Variants in MCF2L observed in about 807,000 individuals in gnomAD.
MCF2L encodes guanine nucleotide exchange factor DBS.
A neutral mutation model predicts 153.4 loss-of-function variants in MCF2L; 97 were observed. That is an observed-to-expected ratio of 0.63 (90% CI 0.54 to 0.75). MCF2L has a LOEUF of 0.75. MCF2L is among the 30% of genes least tolerant of loss of function. MCF2L has a pLI of 0.00. For synonymous variants in MCF2L, 659 were observed against 632.2 expected, an observed-to-expected ratio of 1.04 and a Z score of -0.64; for missense variants, 1,347 against 1,495.2, an observed-to-expected ratio of 0.90 and a Z score of 1.64.
chr13:112,983,680 G>A lies in MCF2L; in HGVS notation c.79+14222G>A, dbSNP rs570160367. ...GCCCTTGGTCATCAGGATGTGAGGC[G>A]GTGACGGACACTTCAGTGCTCTGAC... On this transcript the variant is annotated intron_variant, in intron 1 of 29. Coordinates refer to ENST00000535094, the MANE Select transcript of MCF2L (RefSeq NM_001112732.3). This position sits in a 1 kb window ranked among gnomAD's most constrained non-coding sequence, Gnocchi z 4.0. Among the ~76,000 whole-genome samples, 29 of 152,302 alleles carry A rather than the reference G, an allele frequency of 1.9e-4. No homozygotes were observed. The highest frequency in any genetic ancestry group is 2.9e-4 in the Non-Finnish European group (20 of 68,008).
intron 1 of MCF2L, among the ~76,000 whole-genome samples, chr13:112,902,030 A>C (rs2081124082): frequency 6.6e-6 from 1 of 152,256 alleles, no homozygotes. Flanking sequence ...ACCCTGATAC[A>C]GTGGAAATTG....
upstream of MCF2L, chr13:112,968,699 C>A: frequency 7.1e-7 from 1 of 1,417,548 alleles, no homozygotes; most frequent in South Asian, 1.5e-5. Context: ...CTACACCTGC[C>A]ACGGGGCGGC....
At chr13:112,998,976 G>A (rs557693096) in intron 1 of MCF2L, among the ~76,000 whole-genome samples, 1 of 152,308 alleles carries the variant, frequency 6.6e-6, no homozygotes, top group Admixed American at 6.5e-5. Context: ...AGTGAGAAAC[G>A]GTGGGTGAGC....
intron 2 of MCF2L, among the ~76,000 whole-genome samples, chr13:112,916,515 C>T (rs2081294064): frequency 1.3e-5 from 2 of 152,194 alleles, no homozygotes; most frequent in South Asian, 2.1e-4. Context: ...AGGTCCTCTC[C>T]CTTCTCACCC....
At chr13:113,005,868 A>G (rs913155193) in intron 1 of MCF2L, among the ~76,000 whole-genome samples, 1 of 152,214 alleles carries the variant, frequency 6.6e-6, no homozygotes, top group Non-Finnish European at 1.5e-5. Context: ...TATTTTTCTC[A>G]ATATAGCTGG....
chr13:112,989,964 C>T (rs1459966198), intron 1 of MCF2L, among the ~76,000 whole-genome samples: 4 of 152,200 alleles, frequency 2.6e-5, no homozygotes, highest in Admixed American at 1.3e-4. Context: ...CTAGATCCCT[C>T]GCATGCACAG....
Position 113,070,039 on chromosome 13 carries a change from C to T in MCF2L, c.882-20C>T, listed in dbSNP as rs199985237. 2.2e-5 allele frequency: 35 copies of T among 1,587,350 alleles called. No homozygotes were observed. The East Asian group carries it at 4.3e-4, about 20-fold the overall frequency. On this transcript the variant is annotated intron_variant, in intron 8 of 29. Transcript: ENST00000535094. This position sits in a 1 kb window ranked among gnomAD's most constrained non-coding sequence, Gnocchi z 5.6. Reference sequence around the variant, plus strand: ...GGGCGCCGTGGGCCACACAGACGGTCAACTCCTCCTCTTTCCCAGGCTCCT... The same window carrying T: ...GGGCGCCGTGGGCCACACAGACGGTTAACTCCTCCTCTTTCCCAGGCTCCT...
chr13:113,084,084 C>T lies in MCF2L; in HGVS notation c.2061+17C>T, dbSNP rs371268016. The T allele has an allele frequency of 3.5e-5, 57 of 1,607,940 alleles. No homozygotes were observed. The highest frequency in any genetic ancestry group is 4.3e-5 in the Non-Finnish European group (51 of 1,174,610). The stretch of plus-strand genomic sequence containing the variant: ...CTGGAGAGGGTAGGTGGTGTTTTGA[C>T]GTGTATTTTGTCACAACTTCTTAAA... On this transcript the variant is annotated intron_variant, in intron 18 of 29. Coordinates refer to ENST00000535094, the MANE Select transcript of MCF2L (RefSeq NM_001112732.3).
intron 1 of MCF2L, among the ~76,000 whole-genome samples, chr13:113,005,238 G>C (rs546840954): frequency 3.3e-5 from 5 of 152,212 alleles, no homozygotes; most frequent in Non-Finnish European, 7.3e-5. Context: ...GCAAAGCCAC[G>C]GCCTGCTGAG....
At position 112,932,344 on chromosome 13, in the gene MCF2L, G is replaced by A. The variant is rs1276568721; in HGVS notation, c.169+29973G>A. ...CAGAGGCTTCCAGTATACCTGACCA[G>A]TAGCCCTCAAAACTGTCAAAGTCAT... On this transcript the variant is annotated intron_variant, in intron 2 of 29. Transcript: ENST00000375608. This position sits in a 1 kb window ranked among gnomAD's most constrained non-coding sequence, Gnocchi z 4.6. 6.6e-6 allele frequency among the ~76,000 whole-genome samples: 1 copy of A among 152,162 alleles called. No homozygotes were observed. The highest frequency in any genetic ancestry group is 2.4e-5 in the African/African-American group (1 of 41,426).
chr13:112,924,958 G>A (rs1209966330), intron 2 of MCF2L, among the ~76,000 whole-genome samples: 1 of 152,220 alleles, frequency 6.6e-6, no homozygotes, highest in African/African-American at 2.4e-5. Context: ...GCTCAAGGCA[G>A]CATGTAAATT....
Position 112,969,484 on chromosome 13 carries a change from G to A in MCF2L, c.79+26G>A, listed in dbSNP as rs768935831. On this transcript the variant is annotated intron_variant, in intron 1 of 29. Coordinates refer to ENST00000535094, the MANE Select transcript of MCF2L (RefSeq NM_001112732.3). The surrounding 1 kb of genome is among the most constrained non-coding windows in gnomAD (Gnocchi z 4.8). ...GTAGGAGGAGCTGCTGGCCGTCAGTGATCTGTGCTTAAGCTTGACATCATG... is the reference window on the plus strand; with the variant it reads ...GTAGGAGGAGCTGCTGGCCGTCAGTAATCTGTGCTTAAGCTTGACATCATG... 13 of 1,549,964 alleles carry A rather than the reference G, an allele frequency of 8.4e-6. 1 individual carries two copies. In the Middle Eastern group the frequency reaches 1.5e-3, roughly 178 times the overall value.
intron 1 of MCF2L, among the ~76,000 whole-genome samples, chr13:112,986,497 G>A (rs987959019): frequency 2.0e-5 from 3 of 152,134 alleles, no homozygotes; most frequent in Non-Finnish European, 2.9e-5. Flanking sequence ...ACCTCCCCAC[G>A]GTCCCACTGC....
At chr13:113,015,060 G>A (rs997769024) in intron 2 of MCF2L, among the ~76,000 whole-genome samples, 3 of 152,246 alleles carry the variant, frequency 2.0e-5, no homozygotes, top group Non-Finnish European at 4.4e-5. Flanking sequence ...CTGGGAGGAG[G>A]TGGGTGGAGG....
In MCF2L at chr13:113,074,043, C is replaced by T. The variant is rs1335480920; in HGVS notation, c.997-401C>T. 1.3e-5 allele frequency among the ~76,000 whole-genome samples: 2 copies of T among 152,214 alleles called. No homozygotes were observed. The highest frequency in any genetic ancestry group is 2.9e-5 in the Non-Finnish European group (2 of 68,036). ...AGAAGGGACTGAGTTACATAACTCT[C>T]CACACCTAGGATCCAGTAGGAATGC... is the stretch of plus-strand genomic sequence containing the variant. On this transcript the variant is annotated intron_variant, in intron 9 of 29. Transcript: ENST00000535094. The surrounding 1 kb of genome is among the most constrained non-coding windows in gnomAD (Gnocchi z 4.2).
chr13:113,099,001 G>A lies in MCF2L; in HGVS notation c.*2142G>A, dbSNP rs2480953. On this transcript the variant is annotated 3_prime_UTR_variant, in exon 30 of 30. Transcript: ENST00000535094. The stretch of plus-strand genomic sequence containing the variant: ...TGTTATGCTGGCCTGGAAGAGCATC[G>A]GATCAGACGTGACAAGTCACTGCTT... 21,316 of 152,228 alleles carry A rather than the reference G, an allele frequency of 0.14. 1,654 individuals are homozygous for A. The highest frequency in any genetic ancestry group is 0.27 in the South Asian group (1,320 of 4,812). The allele number at this position is 152,228 out of a possible 1,614,324, so 9.4% of individuals were successfully genotyped here.
At chr13:113,000,497 C>T (rs2083318984) in intron 1 of MCF2L, among the ~76,000 whole-genome samples, 1 of 152,186 alleles carries the variant, frequency 6.6e-6, no homozygotes, top group Non-Finnish European at 1.5e-5. Flanking sequence ...GAGTCTTGGC[C>T]CAGGAGGAAG....
chr13:113,044,501 A>C, intron 3 of MCF2L: 3 of 786,532 alleles, frequency 3.8e-6, no homozygotes, highest in Non-Finnish European at 6.0e-6. Flanking sequence ...GAGACTTGGA[A>C]GTTAGCGATT....
At chr13:113,063,810 C>G (rs888020383) in intron 5 of MCF2L, 6 of 435,924 alleles carry the variant, frequency 1.4e-5, no homozygotes, top group Admixed American at 1.2e-4. Context: ...ACACACGTGT[C>G]AACAACTGCA....
Sources: allele counts gnomAD v4.1 joint callset (sites outside exome capture counted in the v4.1 genomes callset), GRCh38; gene constraint gnomAD v4.1.1; non-coding constraint Gnocchi (gnomAD v3.1); transcripts MANE v1.5; gene names NCBI Gene and HGNC (gene_info 2026-07-23, HGNC 2026-07-21).